TNRC6B: variants seen among roughly 807,000 people sequenced by gnomAD.
The protein encoded by TNRC6B is trinucleotide repeat-containing gene 6B protein.
TNRC6B carries 52 observed loss-of-function variants against 203.6 expected under a neutral mutation model. That is an observed-to-expected ratio of 0.26 (90% CI 0.20 to 0.32). The LOEUF (loss-of-function observed/expected upper bound fraction) is 0.32. Among genes scored for constraint, TNRC6B ranks in the 10% least tolerant of loss-of-function variants. TNRC6B has a pLI of 1.00. For missense variants in TNRC6B, 1,923 were observed against 2,286.2 expected, an observed-to-expected ratio of 0.84 and a Z score of 3.24; for synonymous variants, 838 against 845.7, an observed-to-expected ratio of 0.99 and a Z score of 0.16.
upstream of TNRC6B, among the ~76,000 whole-genome samples, chr22:40,174,689 G>A (rs1380348456): frequency 1.3e-5 from 2 of 152,058 alleles, no homozygotes; most frequent in East Asian, 3.9e-4. Flanking sequence ...GCCGAGCGTG[G>A]TGGCAGGCAC....
intron 1 of TNRC6B, among the ~76,000 whole-genome samples, chr22:40,086,768 A>G (rs1015000494): frequency 7.2e-5 from 11 of 152,234 alleles, no homozygotes; most frequent in Non-Finnish European, 1.5e-4. Flanking sequence ...AAGGAAAACA[A>G]AGGTTTTAGA....
intron 1 of TNRC6B, chr22:40,106,431 T>C: frequency 1.1e-6 from 1 of 882,926 alleles, no homozygotes; most frequent in Non-Finnish European, 1.9e-6. Flanking sequence ...AGAAGATAAT[T>C]TTAAGGGCCA....
chr22:40,085,729 TATG>T (rs1449983687), intron 1 of TNRC6B, among the ~76,000 whole-genome samples: 2 of 152,192 alleles, frequency 1.3e-5, no homozygotes, highest in African/African-American at 4.8e-5. Flanking sequence ...CTAATCTTAT[TATG>T]ATGTTAACAG....
intron 1 of TNRC6B, among the ~76,000 whole-genome samples, chr22:40,099,418 G>A (rs1427876753): frequency 6.6e-6 from 1 of 152,020 alleles, no homozygotes; most frequent in Non-Finnish European, 1.5e-5. Flanking sequence ...CCACATTGTG[G>A]TATGTGTCTT....
intron 1 of TNRC6B, among the ~76,000 whole-genome samples, chr22:40,210,729 C>T (rs1358364467): frequency 6.6e-6 from 1 of 152,168 alleles, no homozygotes; most frequent in African/African-American, 2.4e-5. Flanking sequence ...ACCGTCTTTC[C>T]TAGAACTTAA....
intron 1 of TNRC6B, among the ~76,000 whole-genome samples, chr22:40,085,581 A>G (rs1433815603): frequency 2.6e-5 from 4 of 152,102 alleles, no homozygotes; most frequent in Non-Finnish European, 4.4e-5. Flanking sequence ...GTGTTCCTTT[A>G]CCTTGAATTT....
chr22:40,178,800 G>C (rs934597376), intron 1 of TNRC6B, among the ~76,000 whole-genome samples: 12 of 152,122 alleles, frequency 7.9e-5, no homozygotes, highest in Admixed American at 6.5e-5. Context: ...CTGGGTCTCT[G>C]TGTGTGTTCT....
At chr22:40,075,137 C>CATATATATATATATATAT (rs200861275) in intron 1 of TNRC6B, among the ~76,000 whole-genome samples, 31 of 59,772 alleles carry the variant, frequency 5.2e-4, no homozygotes, top group South Asian at 1.4e-3. Context: ...TGGTTCTGTT[C>CATATATATATATATATAT]ATATATATAT....
At chr22:40,119,122 A>G (rs1042356452) in intron 2 of TNRC6B, among the ~76,000 whole-genome samples, 7 of 152,166 alleles carry the variant, frequency 4.6e-5, no homozygotes, top group African/African-American at 1.7e-4. Context: ...TTCCTGGAAG[A>G]ACTTGCACAG....
chr22:40,145,198 A>C (rs1469031133), intron 3 of TNRC6B, among the ~76,000 whole-genome samples: 1 of 152,098 alleles, frequency 6.6e-6, no homozygotes, highest in Non-Finnish European at 1.5e-5. Context: ...GTGAGTCATA[A>C]TTGTGCCGTT....
chr22:40,245,831 C>T (rs1040091775), intron 1 of TNRC6B, among the ~76,000 whole-genome samples, 184 bp from the exon 2 acceptor site: 2 of 152,036 alleles, frequency 1.3e-5, no homozygotes, highest in African/African-American at 4.8e-5. Context: ...AGGTGACAAA[C>T]CAAGATGTGG....
chr22:40,047,745 T>C (rs1027637682), intron 1 of TNRC6B, among the ~76,000 whole-genome samples: 2 of 152,256 alleles, frequency 1.3e-5, no homozygotes, highest in Non-Finnish European at 2.9e-5. Context: ...AGTTCAAGGC[T>C]TTCAGAGCCC....
chr22:40,266,494 A>G lies in TNRC6B; in HGVS notation c.2264A>G (p.Gln755Arg). The change falls in exon 5 of 23, where the codon CAG (glutamine) becomes CGG (arginine). Residue 755 changes from glutamine (Q) to arginine (R), a missense_variant. By Grantham distance (43) the Gln-to-Arg change is conservative. Coordinates refer to ENST00000454349, the MANE Select transcript of TNRC6B (RefSeq NM_001162501.2). ...AATGGTTGGGGGGAGGAAGTCGATC[A>G]GACAAAAAACAGCAATTGGGAAAGT... ...GKNGWGEEVD[Q>R]TKNSNWESSA... is the part of the protein sequence containing the mutation. The G allele has an allele frequency of 6.2e-7, 1 of 1,613,864 alleles. No individual in the cohort carries two copies. Among genetic ancestry groups the G allele is most frequent in the Non-Finnish European group, 8.5e-7 (1 of 1,179,800 alleles).
At chr22:40,216,245 C>T (rs767831850) in intron 1 of TNRC6B, among the ~76,000 whole-genome samples, 51 of 152,266 alleles carry the variant, frequency 3.3e-4, no homozygotes, top group Admixed American at 5.9e-4. Flanking sequence ...CCCTTTTGGC[C>T]TCCCTGGCAA....
chr22:40,230,326 G>A (rs1236611769), intron 1 of TNRC6B, among the ~76,000 whole-genome samples: 1 of 119,292 alleles, frequency 8.4e-6, no homozygotes, highest in African/African-American at 3.2e-5. Context: ...TTCTCACTCT[G>A]TCGCCCAGAC....
Position 40,154,465 on chromosome 22 carries a change from AAAATAAAT to A in TNRC6B, c.46-1635_46-1628del, listed in dbSNP as rs534543473. 6.6e-3 allele frequency among the ~76,000 whole-genome samples: 1,003 copies of A among 151,782 alleles called. 12 individuals carry two copies. In the Middle Eastern group the frequency reaches 0.068, roughly 10 times the overall value. ...GGTGACAGGGCGAGACTCCATCTCA[AAAATAAAT>A]AAATAAATAAATAATAAAATAAAAG... On this transcript the variant is annotated intron_variant, in intron 3 of 23. Transcript: ENST00000301923.
intron 6 of TNRC6B, among the ~76,000 whole-genome samples, chr22:40,271,069 AT>A (rs1569047974): frequency 1.3e-5 from 2 of 152,146 alleles, no homozygotes; most frequent in African/African-American, 4.8e-5. Context: ...TTTCACTTCA[AT>A]TTTTTAAATG....
chr22:40,185,663 G>A (rs115931905), intron 1 of TNRC6B, among the ~76,000 whole-genome samples: 344 of 152,272 alleles, frequency 2.3e-3, no homozygotes, highest in African/African-American at 8.1e-3. Context: ...CAGGAGCTGA[G>A]TGCCTGCTGA....
chr22:40,205,165 A>G (rs2069463309), intron 1 of TNRC6B, among the ~76,000 whole-genome samples: 2 of 152,254 alleles, frequency 1.3e-5, no homozygotes, highest in South Asian at 2.1e-4. Flanking sequence ...TTCCCACCTC[A>G]TAGTGAAAAT....
Sources: allele counts gnomAD v4.1 joint callset (sites outside exome capture counted in the v4.1 genomes callset), GRCh38; gene constraint gnomAD v4.1.1; transcripts MANE v1.5; gene names NCBI Gene and HGNC (gene_info 2026-07-23, HGNC 2026-07-21).